LRRC7: variants seen among roughly 807,000 people sequenced by gnomAD.
The protein encoded by LRRC7 is leucine-rich repeat-containing protein 7.
In LRRC7, 23 loss-of-function variants were observed where a neutral mutation model predicts 175.7. The ratio of observed to expected loss-of-function variants is 0.13; its 90% CI spans 0.09 to 0.19. The LOEUF (loss-of-function observed/expected upper bound fraction) is 0.19. Ranked by LOEUF, LRRC7 falls within the 10% of genes least tolerant of loss-of-function variation. The pLI, the probability that LRRC7 is intolerant of heterozygous loss-of-function variation, is 1.00. For synonymous variants in LRRC7, 685 were observed against 680.9 expected, an observed-to-expected ratio of 1.01 and a Z score of -0.09; for missense variants, 1,354 against 1,904.7, an observed-to-expected ratio of 0.71 and a Z score of 5.38.
intron 4 of LRRC7, among the ~76,000 whole-genome samples, chr1:69,804,468 A>G (rs1431339090): frequency 1.3e-5 from 2 of 151,494 alleles, no homozygotes; most frequent in African/African-American, 2.4e-5. Context: ...CTGGAAAATG[A>G]AGTTTTGATC....
chr1:70,096,411 G>A (rs72676888), intron 25 of LRRC7, among the ~76,000 whole-genome samples: 1,999 of 152,172 alleles, frequency 0.013, 26 homozygotes, highest in Non-Finnish European at 0.018. Flanking sequence ...TAAACCCATC[G>A]CCATGCACAA....
At chr1:69,965,413 A>T (rs2101854153) in intron 8 of LRRC7, among the ~76,000 whole-genome samples, 1 of 152,288 alleles carries the variant, frequency 6.6e-6, no homozygotes, top group East Asian at 1.9e-4. Flanking sequence ...TAAATGGAAT[A>T]TATTATGCTC....
At chr1:70,054,859 G>T (rs1661030272) in intron 23 of LRRC7, among the ~76,000 whole-genome samples, 1 of 150,998 alleles carries the variant, frequency 6.6e-6, no homozygotes, top group Non-Finnish European at 1.5e-5. Flanking sequence ...CAAAGTGCTG[G>T]GTTTACAGGC....
intron 2 of LRRC7, among the ~76,000 whole-genome samples, chr1:69,747,904 G>A (rs1669428798): frequency 6.6e-6 from 1 of 151,978 alleles, no homozygotes; most frequent in African/African-American, 2.4e-5. Context: ...TGTTAAATCT[G>A]TGAATGCATT....
intron 7 of LRRC7, among the ~76,000 whole-genome samples, chr1:69,911,344 C>T (rs10889863): frequency 0.068 from 10,296 of 152,224 alleles, 673 homozygotes; most frequent in African/African-American, 0.17. Context: ...TTCTTGGCTC[C>T]ACCCTGTTGT....
At chr1:69,938,730 C>G (rs1648308703) in intron 8 of LRRC7, among the ~76,000 whole-genome samples, 1 of 151,692 alleles carries the variant, frequency 6.6e-6, no homozygotes, top group South Asian at 2.1e-4. Flanking sequence ...TTTTTAATTA[C>G]CTAAAATGCA....
intron 7 of LRRC7, among the ~76,000 whole-genome samples, chr1:69,877,512 T>C (rs1686150103): frequency 6.6e-6 from 1 of 152,156 alleles, no homozygotes; most frequent in Non-Finnish European, 1.5e-5. Flanking sequence ...GTGTGTGAAA[T>C]ACATACCATA....
In LRRC7 at chr1:70,076,259, A is replaced by T; in HGVS notation, c.4413A>T (p.Gln1471His). Reference protein sequence around the residue: ...RGPQPGRCLIQTKGQRSMDGY... With the variant: ...RGPQPGRCLIHTKGQRSMDGY... ...CTCAGCCTGGACGGTGCTTAATTCAAACTAAAGGGCAAAGGAGTATGGATG... is the reference window on the plus strand; with the variant it reads ...CTCAGCCTGGACGGTGCTTAATTCATACTAAAGGGCAAAGGAGTATGGATG... Residue 1471 changes from glutamine to histidine, a missense_variant, in exon 24 of 27, where the codon CAA (glutamine) becomes CAT (histidine). By Grantham distance (24) the Gln-to-His change is conservative (BLOSUM62 0). Around this residue, in one of 4 missense-constraint regions of LRRC7, gnomAD observed 1,032 missense variants for 1,227.2 expected, o/e 0.84. Transcript: ENST00000651989. 6.2e-7 allele frequency: 1 copy of T among 1,614,050 alleles called. No homozygotes were observed. The highest frequency in any genetic ancestry group is 8.5e-7 in the Non-Finnish European group (1 of 1,179,968).
At chr1:69,605,095 A>G (rs1438642626) in intron 1 of LRRC7, among the ~76,000 whole-genome samples, 2 of 152,160 alleles carry the variant, frequency 1.3e-5, no homozygotes, top group African/African-American at 2.4e-5. Flanking sequence ...TGTAGCTCCC[A>G]TAATTCCCAC....
At chr1:69,773,182 AG>A (rs1285854325) in intron 3 of LRRC7, among the ~76,000 whole-genome samples, 1 of 152,186 alleles carries the variant, frequency 6.6e-6, no homozygotes, top group East Asian at 1.9e-4. Context: ...ATAAGAAGAA[AG>A]GGGGAGAAAC....
At chr1:69,678,731 G>A (rs895625836) in intron 2 of LRRC7, among the ~76,000 whole-genome samples, 1 of 152,080 alleles carries the variant, frequency 6.6e-6, no homozygotes, top group African/African-American at 2.4e-5. Flanking sequence ...AATGAGATGG[G>A]AAAAGGCTGT....
At chr1:70,107,330 A>G (rs1230986602) in intron 25 of LRRC7, among the ~76,000 whole-genome samples, 1 of 152,238 alleles carries the variant, frequency 6.6e-6, no homozygotes, top group Non-Finnish European at 1.5e-5. Context: ...TAAAGTATAC[A>G]ATGAACTTAT....
intron 1 of LRRC7, among the ~76,000 whole-genome samples, chr1:69,628,212 A>AACACC (rs1205290083): frequency 6.6e-6 from 1 of 152,166 alleles, no homozygotes; most frequent in Non-Finnish European, 1.5e-5. Flanking sequence ...GTTTGCAGAT[A>AACACC]ACACCGTCAT....
intron 1 of LRRC7, among the ~76,000 whole-genome samples, chr1:69,616,408 T>G (rs952385328): frequency 3.2e-4 from 48 of 152,134 alleles, no homozygotes; most frequent in African/African-American, 1.1e-3. Context: ...TAATAAAAAT[T>G]TTTAGTAGAA....
intron 1 of LRRC7, among the ~76,000 whole-genome samples, chr1:69,575,882 GAAAAT>G (rs963292762): frequency 6.6e-6 from 1 of 152,012 alleles, no homozygotes; most frequent in African/African-American, 2.4e-5. Context: ...TTCTAATCAG[GAAAAT>G]AAAATACAAT....
At chr1:69,966,387 T>C (rs1557938803) in intron 8 of LRRC7, among the ~76,000 whole-genome samples, 1 of 152,246 alleles carries the variant, frequency 6.6e-6, no homozygotes, top group Non-Finnish European at 1.5e-5. Flanking sequence ...GTCTCTGGTA[T>C]TTTACTAGTT....
intron 1 of LRRC7, among the ~76,000 whole-genome samples, chr1:69,638,897 T>A (rs1374545563): frequency 6.6e-6 from 1 of 151,788 alleles, no homozygotes. Context: ...CACTGTACTT[T>A]GTTATAGCAG....
At chr1:69,656,126 A>G (rs1656571956) in intron 1 of LRRC7, among the ~76,000 whole-genome samples, 1 of 152,008 alleles carries the variant, frequency 6.6e-6, no homozygotes. Context: ...ATGGGATGCA[A>G]AAGAGCCAGT....
intron 1 of LRRC7, among the ~76,000 whole-genome samples, chr1:69,610,202 C>A (rs999407470): frequency 1.3e-5 from 2 of 151,960 alleles, no homozygotes; most frequent in Non-Finnish European, 2.9e-5. Flanking sequence ...AAAAAATATT[C>A]AATACCCTAA....
Sources: gnomAD v4.1 joint callset for allele counts (sites outside exome capture counted in the v4.1 genomes callset) on GRCh38, gnomAD v4.1.1 for gene constraint, gnomAD v4.1.1 regional missense constraint, MANE v1.5 for transcripts, NCBI Gene and HGNC (gene_info 2026-07-23, HGNC 2026-07-21) for gene names.